OXSR1: variants seen among roughly 807,000 people sequenced by gnomAD.
OXSR1 encodes serine/threonine-protein kinase OSR1.
OXSR1 carries 24 observed loss-of-function variants against 79.8 expected under a neutral mutation model. The ratio of observed to expected loss-of-function variants is 0.30; its 90% confidence interval spans 0.22 to 0.42. The LOEUF is 0.42. Ranked by LOEUF, OXSR1 falls within the 10% of genes least tolerant of loss-of-function variation. OXSR1 has a pLI of 1.00. For missense variants in OXSR1, 430 were observed against 618.4 expected (o/e 0.70, Z 3.23); for synonymous variants, 226 against 209.2 (o/e 1.08, Z -0.69).
intron 10 of OXSR1, chr3:38,230,651 A>G: frequency 2.3e-6 from 1 of 430,032 alleles, no homozygotes; most frequent in Non-Finnish European, 4.3e-6. Flanking sequence ...GATGCTAGAC[A>G]GTAATTGGTA....
chr3:38,183,532 T>C (rs1019047595), intron 2 of OXSR1, among the ~76,000 whole-genome samples: 6 of 152,228 alleles, frequency 3.9e-5, no homozygotes, highest in African/African-American at 1.4e-4. Flanking sequence ...TTGTTTCCTC[T>C]TTTTTATTGT....
intron 2 of OXSR1, among the ~76,000 whole-genome samples, chr3:38,187,966 C>A (rs957322107): frequency 6.6e-6 from 1 of 152,094 alleles, no homozygotes; most frequent in Non-Finnish European, 1.5e-5. Flanking sequence ...TCTTGTGAAT[C>A]ATTTATATAT....
At chr3:38,175,663 A>G (rs1701663980) in intron 1 of OXSR1, among the ~76,000 whole-genome samples, 1 of 152,176 alleles carries the variant, frequency 6.6e-6, no homozygotes, top group South Asian at 2.1e-4. Context: ...ATTTTTTCTT[A>G]GTCCTGCTCA....
chr3:38,253,861 C>A lies in OXSR1; in HGVS notation c.*970C>A. 1 of 254,044 alleles carries A rather than the reference C, an allele frequency of 3.9e-6. No homozygotes were observed. Among genetic ancestry groups the A allele is most frequent in the East Asian group, 6.8e-5 (1 of 14,740 alleles). The allele number at this position is 254,044 out of a possible 1,614,324, so 15.7% of individuals were successfully genotyped here. On this transcript the variant is annotated 3_prime_UTR_variant, in exon 18 of 18. Coordinates refer to ENST00000311806, the MANE Select transcript of OXSR1 (RefSeq NM_005109.3). The stretch of plus-strand genomic sequence containing the variant: ...ACACACACTGGGCCAGAGAGGCCTG[C>A]CTTCTGCCTGCTCTCCTGCACTGAC...
chr3:38,170,311 G>T (rs1701553822), intron 1 of OXSR1, among the ~76,000 whole-genome samples: 1 of 152,158 alleles, frequency 6.6e-6, no homozygotes, highest in African/African-American at 2.4e-5. Context: ...CTCCCAAAGT[G>T]TTGGGGTTAC....
At chr3:38,194,172 C>CT (rs1702033180) in intron 3 of OXSR1, among the ~76,000 whole-genome samples, 1 of 152,148 alleles carries the variant, frequency 6.6e-6, no homozygotes, top group Non-Finnish European at 1.5e-5. Flanking sequence ...TCCAGGAGAA[C>CT]TTAACCTTAT....
intron 4 of OXSR1, among the ~76,000 whole-genome samples, chr3:38,205,721 A>G (rs1019977857): frequency 1.3e-5 from 2 of 152,194 alleles, no homozygotes; most frequent in Admixed American, 6.5e-5. Context: ...AGAAGCTGCC[A>G]GTCATCGTGG....
At chr3:38,190,681 T>G in intron 2 of OXSR1, 50 bp from the exon 3 acceptor site, 1 of 1,046,624 alleles carries the variant, frequency 9.6e-7, no homozygotes, top group Non-Finnish European at 1.5e-6. Flanking sequence ...CTCACAACAT[T>G]TGTTTTAGGC....
intron 11 of OXSR1, among the ~76,000 whole-genome samples, chr3:38,241,095 GA>G (rs1484334225): frequency 6.6e-6 from 1 of 152,086 alleles, no homozygotes; most frequent in South Asian, 2.1e-4. Flanking sequence ...CACCACAAGG[GA>G]AAAAAATAAG....
At chr3:38,193,321 T>G (rs1702017087) in intron 3 of OXSR1, 1 of 1,289,516 alleles carries the variant, frequency 7.8e-7, no homozygotes, top group South Asian at 1.2e-5. Context: ...TTAAAGGCCC[T>G]GTTCATATGA....
chr3:38,194,435 T>C (rs1274574580), intron 3 of OXSR1, among the ~76,000 whole-genome samples: 1 of 152,054 alleles, frequency 6.6e-6, no homozygotes, highest in Admixed American at 6.6e-5. Context: ...CCCTGGCTAC[T>C]TGGGAGGCTG....
At chr3:38,188,265 C>T (rs1000921613) in intron 2 of OXSR1, among the ~76,000 whole-genome samples, 2 of 152,090 alleles carry the variant, frequency 1.3e-5, no homozygotes, top group Non-Finnish European at 2.9e-5. Context: ...TTTCCTTCAC[C>T]TTCCCTATCA....
chr3:38,236,755 T>C, intron 10 of OXSR1, 84 bp from the exon 11 acceptor site: 1 of 1,245,588 alleles, frequency 8.0e-7, no homozygotes, highest in South Asian at 1.5e-5. Context: ...TGGATTGAAG[T>C]GATAGAAGAA....
rs953441723 is a variant in OXSR1 at position 38,255,445 on chromosome 3, C to T, written c.*2554C>T. On this transcript the variant is annotated 3_prime_UTR_variant, in exon 18 of 18. Transcript: ENST00000311806. ...TTTTTTTGGACTTTGTATTTTACTG[C>T]ATGTTTTCTTCATTTTTAATCAATA... 2.6e-5 allele frequency: 4 copies of T among 152,516 alleles called. No homozygotes were observed. Among genetic ancestry groups the T allele is most frequent in the Non-Finnish European group, 4.4e-5 (3 of 68,018 alleles). 9.4% of individuals were successfully genotyped at this position (152,516 alleles called of 1,614,324 possible). A position where few individuals can be genotyped will look rare whatever the true frequency, so the allele number is the denominator to read the frequency against.
chr3:38,219,416 G>A (rs1362359154), intron 5 of OXSR1, among the ~76,000 whole-genome samples: 1 of 152,144 alleles, frequency 6.6e-6, no homozygotes, highest in Non-Finnish European at 1.5e-5. Context: ...TCATATTTAA[G>A]TATTTTAAGG....
rs1703327869 is a variant in OXSR1 at position 38,254,712 on chromosome 3, AGTTTT to A, written c.*1827_*1831del. On this transcript the variant is annotated 3_prime_UTR_variant, in exon 18 of 18. Transcript: ENST00000311806. ...ACTAGTGGCTTACCGCTTACCTTAGAGTTTTGTTTTTTTTTTTTCAAACCCATCAA... is the reference window on the plus strand; with the variant it reads ...ACTAGTGGCTTACCGCTTACCTTAGAGTTTTTTTTTTTTCAAACCCATCAA... 1 of 150,244 alleles carries A rather than the reference AGTTTT, an allele frequency of 6.7e-6. No individual in the cohort carries two copies. Among genetic ancestry groups the A allele is most frequent in the African/African-American group, 2.5e-5 (1 of 39,798 alleles). 9.3% of individuals were successfully genotyped at this position (150,244 alleles called of 1,614,324 possible). A position where few individuals can be genotyped will look rare whatever the true frequency, so the allele number is the denominator to read the frequency against.
chr3:38,216,641 T>C (rs538584673), intron 5 of OXSR1, among the ~76,000 whole-genome samples: 3 of 152,068 alleles, frequency 2.0e-5, no homozygotes, highest in Non-Finnish European at 2.9e-5. Context: ...CTACCAAAAG[T>C]GGCTATCCTG....
intron 4 of OXSR1, among the ~76,000 whole-genome samples, chr3:38,211,670 A>C (rs955017700): frequency 1.2e-4 from 19 of 152,180 alleles, no homozygotes; most frequent in African/African-American, 4.6e-4. Context: ...ATATCAGCCC[A>C]GTGCCATGTT....
intron 11 of OXSR1, among the ~76,000 whole-genome samples, chr3:38,239,831 G>T (rs576263447): frequency 7.2e-4 from 109 of 152,196 alleles, no homozygotes; most frequent in Non-Finnish European, 1.4e-3. Flanking sequence ...GCAGTTCCTT[G>T]GATTTCATCT....
Sources: gnomAD v4.1 joint callset for allele counts (sites outside exome capture counted in the v4.1 genomes callset) on GRCh38, gnomAD v4.1.1 for gene constraint, MANE v1.5 for transcripts, NCBI Gene and HGNC (gene_info 2026-07-23, HGNC 2026-07-21) for gene names.